The following ZC3H4 variants were observed in gnomAD, a reference collection of about 807,000 sequenced individuals.
ZC3H4 encodes the protein zinc finger CCCH-type containing 4, also known as zinc finger CCCH domain-containing protein 4.
In ZC3H4, 13 loss-of-function variants were observed where a neutral mutation model predicts 108.3. The ratio of observed to expected loss-of-function variants is 0.12; its 90% CI spans 0.08 to 0.19. The LOEUF (loss-of-function observed/expected upper bound fraction) is 0.19. Ranked by LOEUF, ZC3H4 falls within the 10% of genes least tolerant of loss-of-function variation. The pLI is 1.00. For synonymous variants in ZC3H4, 917 were observed against 749.6 expected, an observed-to-expected ratio of 1.22 and a Z score of -3.65; for missense variants, 1,734 against 1,838.8, an observed-to-expected ratio of 0.94 and a Z score of 1.04.
At chr19:47,096,877 C>G in intron 2 of ZC3H4, 1 of 985,366 alleles carries the variant, frequency 1.0e-6, no homozygotes, top group South Asian at 4.7e-5. Context: ...TCAGCTGAGC[C>G]GGAGTGGGTG....
chr19:47,108,452 G>A (rs1444246072), intron 2 of ZC3H4, among the ~76,000 whole-genome samples: 3 of 152,142 alleles, frequency 2.0e-5, no homozygotes, highest in Admixed American at 2.0e-4. Context: ...GTAACAAAAG[G>A]AAGTGAAGGA....
At chr19:47,069,495 A>G (rs1351852515) in intron 13 of ZC3H4, 152 bp from the exon 14 acceptor site, 9 of 1,017,986 alleles carry the variant, frequency 8.8e-6, no homozygotes, top group Non-Finnish European at 1.3e-5. Flanking sequence ...TCAGGGGAAC[A>G]GAGCGGCCCA....
chr19:47,067,798 A>G lies in ZC3H4; in HGVS notation c.2470T>C (p.Leu824=), dbSNP rs1164265112. 4 of 1,609,558 alleles carry G rather than the reference A, an allele frequency of 2.5e-6. No individual in the cohort carries two copies. The highest frequency in any genetic ancestry group is 1.7e-5 in the Admixed American group (1 of 59,514). Reference sequence around the variant, plus strand: ...GGTCGGCTGGACGTCTGCTGCCTCAAGGTCTTCAGGATGGAGGTGACACTG... The same window carrying G: ...GGTCGGCTGGACGTCTGCTGCCTCAGGGTCTTCAGGATGGAGGTGACACTG... ...GSSVTSILKT[L]RQQTSSRPPA... is the part of the protein sequence containing the mutation. The change falls in exon 15 of 15, where the codon TTG becomes CTG. Residue 824 remains leucine (L), a synonymous_variant. Transcript: ENST00000253048. This position sits in a 1 kb window ranked among gnomAD's most constrained non-coding sequence, Gnocchi z 6.4.
At chr19:47,069,898 CA>C (rs1394529481) in intron 13 of ZC3H4, among the ~76,000 whole-genome samples, 4 of 152,208 alleles carry the variant, frequency 2.6e-5, no homozygotes, top group African/African-American at 9.6e-5. Flanking sequence ...GCCCACTCCA[CA>C]GCATTAGGGG....
intron 11 of ZC3H4, among the ~76,000 whole-genome samples, chr19:47,081,092 C>T (rs567861638): frequency 5.3e-5 from 8 of 152,088 alleles, no homozygotes; most frequent in African/African-American, 1.4e-4. Context: ...GTAGAAACAA[C>T]GTCTTGCTAC....
chr19:47,110,074 T>TG (rs1408003064), intron 2 of ZC3H4, among the ~76,000 whole-genome samples: 2 of 152,060 alleles, frequency 1.3e-5, no homozygotes, highest in Non-Finnish European at 2.9e-5. Flanking sequence ...CAGGCAGAGA[T>TG]GGGGGCTTGA....
At position 47,085,041 on chromosome 19, in the gene ZC3H4, G is replaced by A. The variant is rs370295780; in HGVS notation, c.1107+15C>T. On this transcript the variant is annotated intron_variant, in intron 8 of 14. Coordinates refer to ENST00000253048, the MANE Select transcript of ZC3H4 (RefSeq NM_015168.2). ...ACCTTGGCCCAAACATCAGATCAGA[G>A]TGGAGTCAACTCACGCCCATGTCCT... 6.0e-5 allele frequency: 97 copies of A among 1,613,968 alleles called. No individual in the cohort carries two copies. Among genetic ancestry groups the A allele is most frequent in the Non-Finnish European group, 6.9e-5 (81 of 1,179,964 alleles).
intron 9 of ZC3H4, among the ~76,000 whole-genome samples, chr19:47,084,093 T>C (rs1478883671): frequency 6.6e-6 from 1 of 152,212 alleles, no homozygotes; most frequent in Non-Finnish European, 1.5e-5. Flanking sequence ...TATGGATTGG[T>C]TGAAAATTTT....
chr19:47,067,474 G>T lies in ZC3H4; in HGVS notation c.2794C>A (p.Leu932Met). ...GGAATGTTCACGGCCTTCTCCCGCA[G>T]GGCCCGCTCCCCTTCCTCCTCCTCC... ...PTEEEEGERA[L>M]REKAVNIPLD... The change falls in exon 15 of 15, where the codon CTG becomes ATG. Residue 932 changes from leucine (L) to methionine (M), a missense_variant. By Grantham distance (15) the Leu-to-Met change is conservative. This residue lies in a region of ZC3H4 where 540 missense variants were observed against 484.1 expected (regional missense o/e 1.12). Coordinates refer to ENST00000253048, the MANE Select transcript of ZC3H4 (RefSeq NM_015168.2). This position sits in a 1 kb window ranked among gnomAD's most constrained non-coding sequence, Gnocchi z 6.4. 6.3e-7 allele frequency: 1 copy of T among 1,581,382 alleles called. No homozygotes were observed. The highest frequency in any genetic ancestry group is 8.6e-7 in the Non-Finnish European group (1 of 1,162,392).
At chr19:47,111,149 A>G (rs1315783411) in intron 2 of ZC3H4, among the ~76,000 whole-genome samples, 1 of 151,670 alleles carries the variant, frequency 6.6e-6, no homozygotes, top group Non-Finnish European at 1.5e-5. Flanking sequence ...TCCCTCCAAG[A>G]CTCGCTTTCC....
rs1426215803 is a variant in ZC3H4, at chr19:47,067,992, CCTCT to C, written c.2399-127_2399-124del. ...TGTGCCTCTCAGAACCTCAGGTCCT[CCTCT>C]CTAAGGCTCCCTCCCCACAGTGGGC... On this transcript the variant is annotated intron_variant, in intron 14 of 14. Coordinates refer to ENST00000253048, the MANE Select transcript of ZC3H4 (RefSeq NM_015168.2). This position sits in a 1 kb window ranked among gnomAD's most constrained non-coding sequence, Gnocchi z 6.4. The C allele has an allele frequency of 1.0e-5, 10 of 969,908 alleles. No homozygotes were observed. The highest frequency in any genetic ancestry group is 1.6e-5 in the African/African-American group (1 of 61,660). The allele number at this position is 969,908 out of a possible 1,614,324, so 60.1% of individuals were successfully genotyped here.
chr19:47,105,839 G>A (rs1260115150), intron 2 of ZC3H4, among the ~76,000 whole-genome samples: 1 of 152,116 alleles, frequency 6.6e-6, no homozygotes, highest in Non-Finnish European at 1.5e-5. Context: ...CAATGCAAAA[G>A]AAAAAGATCA....
intron 13 of ZC3H4, 32 bp from the exon 14 acceptor site, chr19:47,069,375 G>T: frequency 6.3e-7 from 1 of 1,599,676 alleles, no homozygotes; most frequent in South Asian, 1.1e-5. Context: ...GGTTCATGTC[G>T]GGAAGGGCCT....
chr19:47,081,208 T>C (rs538670591), intron 11 of ZC3H4, among the ~76,000 whole-genome samples: 1 of 152,168 alleles, frequency 6.6e-6, no homozygotes, highest in Non-Finnish European at 1.5e-5. Flanking sequence ...TATTGTGAGC[T>C]CTCTCTAAAT....
chr19:47,069,597 T>C (rs1399965270), intron 13 of ZC3H4, among the ~76,000 whole-genome samples: 1 of 152,114 alleles, frequency 6.6e-6, no homozygotes, highest in African/African-American at 2.4e-5. Flanking sequence ...GATGGAACAT[T>C]GGATGTACGT....
In ZC3H4 at chr19:47,067,531, TG is replaced by T; in HGVS notation, c.2736del (p.Ser913AlafsTer25). 6.3e-7 allele frequency: 1 copy of T among 1,596,756 alleles called. No homozygotes were observed. On this transcript the variant is annotated frameshift_variant, in exon 15 of 15. Coordinates refer to ENST00000253048, the MANE Select transcript of ZC3H4 (RefSeq NM_015168.2). LOFTEE classifies it high-confidence loss of function. This position sits in a 1 kb window ranked among gnomAD's most constrained non-coding sequence, Gnocchi z 6.4. ...EGSLHSSPVG[P>X]SSSKGSGPPP... ...GGCGGCCCAGACCCCTTGGAACTGC[TG>T]GGGCCCACAGGGCTGGAATGAAGGC... is the stretch of plus-strand genomic sequence containing the variant.
chr19:47,100,730 AC>A (rs1373256939), intron 2 of ZC3H4, among the ~76,000 whole-genome samples: 2 of 151,938 alleles, frequency 1.3e-5, no homozygotes, highest in African/African-American at 4.8e-5. Context: ...CGGGGATCTT[AC>A]TCTGTCGCCC....
rs144004278 is a variant in ZC3H4, at chr19:47,064,439, C to T, written c.*1917G>A. 6.6e-6 allele frequency: 1 copy of T among 152,588 alleles called. No homozygotes were observed. The highest frequency in any genetic ancestry group is 2.4e-5 in the African/African-American group (1 of 41,540). The allele number at this position is 152,588 out of a possible 1,614,324, so 9.5% of individuals were successfully genotyped here. A position where few individuals can be genotyped will look rare whatever the true frequency, so the allele number is the denominator to read the frequency against. On this transcript the variant is annotated 3_prime_UTR_variant, in exon 15 of 15. Transcript: ENST00000253048. ...AACAATTTTTCTTTAAAAGCTCGGC[C>T]TGATGGCAAATGAGAATTTCGGGTG...
At chr19:47,095,481 T>C (rs2057806302) in intron 2 of ZC3H4, among the ~76,000 whole-genome samples, 1 of 152,040 alleles carries the variant, frequency 6.6e-6, no homozygotes, top group Admixed American at 6.5e-5. Context: ...TTTCTCTCCC[T>C]CCTCTGACTC....
Sources: allele counts gnomAD v4.1 joint callset (sites outside exome capture counted in the v4.1 genomes callset), GRCh38; gene constraint gnomAD v4.1.1; regional missense constraint gnomAD v4.1.1; non-coding constraint Gnocchi (gnomAD v3.1); transcripts MANE v1.5; gene names NCBI Gene and HGNC (gene_info 2026-07-23, HGNC 2026-07-21).